TJP3: variants seen among roughly 807,000 people sequenced by gnomAD.
The protein encoded by TJP3 is tight junction protein 3.
In TJP3, 85 loss-of-function variants were observed where a neutral mutation model predicts 104.2. The ratio of observed to expected loss-of-function variants is 0.82; its 90% CI spans 0.68 to 0.98. TJP3 has a LOEUF of 0.98. Ranked by LOEUF, TJP3 falls within the 50% of genes least tolerant of loss-of-function variation. The pLI, the probability that TJP3 is intolerant of heterozygous loss-of-function variation, is 0.00. For synonymous variants in TJP3, 550 were observed against 550.6 expected (o/e 1.00, Z 0.02); for missense variants, 1,367 against 1,322.8 (o/e 1.03, Z -0.52).
At chr19:3,737,600 C>T (rs764454935) in intron 11 of TJP3, among the ~76,000 whole-genome samples, 19 of 152,162 alleles carry the variant, frequency 1.2e-4, no homozygotes, top group East Asian at 7.7e-4. Context: ...GTCCCTTGCG[C>T]GAGTTCACTC....
At chr19:3,742,795 G>A (rs1224413413) in intron 14 of TJP3, among the ~76,000 whole-genome samples, 2 of 149,470 alleles carry the variant, frequency 1.3e-5, no homozygotes, top group Non-Finnish European at 3.0e-5. Flanking sequence ...GTGAAACCCC[G>A]TCTCTACTGA....
At chr19:3,716,522 C>G (rs1029532937) in intron 1 of TJP3, among the ~76,000 whole-genome samples, 9 of 148,108 alleles carry the variant, frequency 6.1e-5, no homozygotes, top group African/African-American at 2.2e-4. Context: ...TTCTCAGCTG[C>G]AAAGTGGGCG....
chr19:3,727,045 C>T (rs564194082), intron 1 of TJP3, among the ~76,000 whole-genome samples: 1 of 151,944 alleles, frequency 6.6e-6, no homozygotes, highest in South Asian at 2.1e-4. Context: ...CGTGATCACA[C>T]CACTGCACTC....
At chr19:3,721,597 T>G (rs2145671660) in intron 1 of TJP3, 1 of 257,412 alleles carries the variant, frequency 3.9e-6, no homozygotes, top group East Asian at 7.0e-5. Flanking sequence ...GCTGCGTGGA[T>G]AACCCGGCCT....
chr19:3,750,066 G>A, intron 19 of TJP3, 72 bp from the exon 20 acceptor site: 2 of 1,598,068 alleles, frequency 1.3e-6, no homozygotes, highest in Non-Finnish European at 1.7e-6. Context: ...GGATGGGATG[G>A]AGGTGGTTAT....
chr19:3,734,180 C>A, intron 7 of TJP3, 147 bp from the exon 8 acceptor site: 1 of 959,120 alleles, frequency 1.0e-6, no homozygotes, highest in Non-Finnish European at 1.6e-6. Context: ...AGCCACCGTG[C>A]CCAGCTCCAG....
chr19:3,717,628 T>C lies in TJP3; in HGVS notation c.-10+9067T>C, dbSNP rs570967789. On this transcript the variant is annotated intron_variant, in intron 1 of 20. Coordinates refer to ENST00000541714, the MANE Select transcript of TJP3 (RefSeq NM_001267560.2). ...TTTTTCGTATTTTTGTAGAGATGGG[T>C]TTTGCCCTGTGGGCCAGGCTGGCCT... Among the ~76,000 whole-genome samples, 6 of 151,516 alleles carry C rather than the reference T, an allele frequency of 4.0e-5. No individual in the cohort carries two copies. The East Asian group carries it at 1.2e-3, about 30-fold the overall frequency.
chr19:3,721,208 C>G (rs941717174), intron 1 of TJP3, among the ~76,000 whole-genome samples: 1 of 152,064 alleles, frequency 6.6e-6, no homozygotes, highest in Non-Finnish European at 1.5e-5. Context: ...CCCTGCCCTG[C>G]CCCCTTTCTT....
intron 1 of TJP3, among the ~76,000 whole-genome samples, chr19:3,726,241 G>A (rs996472845): frequency 6.6e-6 from 1 of 152,230 alleles, no homozygotes; most frequent in Non-Finnish European, 1.5e-5. Context: ...AAGGGAGGGT[G>A]GAGGCGTGGC....
chr19:3,733,846 GAT>G lies in TJP3; in HGVS notation c.812_813del (p.Asp271AlafsTer14). The part of the protein sequence containing the change: ...EGKLSLLVLR[D>X]RGQFLVNIPP... ...GAAGCTAAGCCTGCTGGTGCTGAGA[GAT>G]CGTGGGCAGTTCCTGGTGAACATTC... is the stretch of plus-strand genomic sequence containing the variant. On this transcript the variant is annotated frameshift_variant, in exon 7 of 21. Transcript: ENST00000541714. LOFTEE classifies it high-confidence loss of function. The G allele has an allele frequency of 6.2e-7, 1 of 1,614,238 alleles. No individual in the cohort carries two copies. Among genetic ancestry groups the G allele is most frequent in the Non-Finnish European group, 8.5e-7 (1 of 1,180,032 alleles).
intron 1 of TJP3, among the ~76,000 whole-genome samples, chr19:3,712,949 CAAAA>C (rs72344854): frequency 2.9e-5 from 4 of 136,740 alleles, no homozygotes; most frequent in Admixed American, 7.3e-5. Flanking sequence ...GACTCTGTCT[CAAAA>C]AAAAAAAAAA....
At position 3,746,186 on chromosome 19, in the gene TJP3, G is replaced by A; in HGVS notation, c.2010+105G>A. On this transcript the variant is annotated intron_variant, in intron 16 of 20. Coordinates refer to ENST00000541714, the MANE Select transcript of TJP3 (RefSeq NM_001267560.2). This position sits in a 1 kb window ranked among gnomAD's most constrained non-coding sequence, Gnocchi z 4.1. ...TGTTCTCAGCCCACACCCCACAAGT[G>A]CAGTCTTCCATAGAGCCCCTTTTGG... 2 of 1,198,850 alleles carry A rather than the reference G, an allele frequency of 1.7e-6. No homozygotes were observed. The highest frequency in any genetic ancestry group is 1.2e-6 in the Non-Finnish European group (1 of 833,228). The allele number at this position is 1,198,850 out of a possible 1,614,324, so 74.3% of individuals were successfully genotyped here.
intron 6 of TJP3, 70 bp from the exon 7 acceptor site, chr19:3,733,683 C>T: frequency 6.3e-7 from 1 of 1,588,342 alleles, no homozygotes; most frequent in Non-Finnish European, 8.6e-7. Context: ...TTCCCCCACA[C>T]CAGGCTGTTT....
chr19:3,721,191 C>T (rs1481686914), intron 1 of TJP3, among the ~76,000 whole-genome samples: 1 of 152,156 alleles, frequency 6.6e-6, no homozygotes, highest in African/African-American at 2.4e-5. Context: ...TGAGCCACCG[C>T]GCCCGGCCCT....
At chr19:3,731,718 C>T (rs2036673694) in intron 5 of TJP3, among the ~76,000 whole-genome samples, 1 of 152,184 alleles carries the variant, frequency 6.6e-6, no homozygotes, top group Non-Finnish European at 1.5e-5. Flanking sequence ...TGCATGGCAA[C>T]ATCACGAGTG....
chr19:3,746,100 C>T lies in TJP3; in HGVS notation c.2010+19C>T, dbSNP rs776126042. Reference sequence around the variant, plus strand: ...AGAAAAAGTAAGCCGGGTCCTGCTACGGGTCCCATTTCATGGATGGGGGAA... The same window carrying T: ...AGAAAAAGTAAGCCGGGTCCTGCTATGGGTCCCATTTCATGGATGGGGGAA... On this transcript the variant is annotated intron_variant, in intron 16 of 20. Transcript: ENST00000541714. This position sits in a 1 kb window ranked among gnomAD's most constrained non-coding sequence, Gnocchi z 4.1. The T allele has an allele frequency of 4.0e-5, 63 of 1,594,330 alleles. 1 individual carries two copies. Among genetic ancestry groups the T allele is most frequent in the Middle Eastern group, 1.6e-4 (1 of 6,070 alleles).
chr19:3,750,787 T>G lies in TJP3; in HGVS notation c.*103T>G. The G allele has an allele frequency of 9.1e-7, 1 of 1,102,874 alleles. No individual in the cohort carries two copies. The highest frequency in any genetic ancestry group is 1.3e-6 in the Non-Finnish European group (1 of 751,320). The allele number at this position is 1,102,874 out of a possible 1,614,324, so 68.3% of individuals were successfully genotyped here. ...CAACCTTACCTCCCTCCGCCTGGTC[T>G]TTAATAAACAGAGTATTTTCACAGC... On this transcript the variant is annotated 3_prime_UTR_variant, in exon 21 of 21. Transcript: ENST00000541714.
chr19:3,730,696 A>G lies in TJP3; in HGVS notation c.603A>G (p.Arg201=). 1 of 1,607,058 alleles carries G rather than the reference A, an allele frequency of 6.2e-7. No individual in the cohort carries two copies. The highest frequency in any genetic ancestry group is 8.5e-7 in the Non-Finnish European group (1 of 1,179,872). The change falls in exon 5 of 21, where the codon AGA becomes AGG. Residue 201 remains arginine (R), a synonymous_variant. Coordinates refer to ENST00000541714, the MANE Select transcript of TJP3 (RefSeq NM_001267560.2). This position sits in a 1 kb window ranked among gnomAD's most constrained non-coding sequence, Gnocchi z 7.3. ...TGAAGTCAGTGCTGGTGAAGAGGAG[A>G]GACAGCGAAGGTCAGAAGAGGCGGG... ...KPVKSVLVKR[R]DSEEFGVKLG... is the part of the protein sequence containing the mutation.
chr19:3,709,575 C>T (rs1300035044), intron 1 of TJP3, among the ~76,000 whole-genome samples: 1 of 152,164 alleles, frequency 6.6e-6, no homozygotes, highest in African/African-American at 2.4e-5. Flanking sequence ...TGTCCGATTG[C>T]ATCTCAAGTC....
Sources: allele counts gnomAD v4.1 joint callset (sites outside exome capture counted in the v4.1 genomes callset), GRCh38; gene constraint gnomAD v4.1.1; non-coding constraint Gnocchi (gnomAD v3.1); transcripts MANE v1.5; gene names NCBI Gene and HGNC (gene_info 2026-07-23, HGNC 2026-07-21).